EPHA6: variants seen among roughly 807,000 people sequenced by gnomAD.
EPHA6 encodes the protein EPH receptor A6.
In EPHA6, 50 loss-of-function variants were observed where a neutral mutation model predicts 112.0. The observed-to-expected ratio is 0.45, with a 90% CI of 0.36 to 0.56. The LOEUF (loss-of-function observed/expected upper bound fraction) is 0.56, where lower values mean the gene tolerates loss of function less well. Among genes scored for constraint, EPHA6 ranks in the 20% least tolerant of loss-of-function variants. EPHA6 has a pLI of 0.00. For missense variants in EPHA6, 1,280 were observed against 1,417.4 expected (o/e 0.90, Z 1.56); for synonymous variants, 529 against 490.7 (o/e 1.08, Z -1.03).
At chr3:96,977,597 C>T (rs1435440377) in intron 2 of EPHA6, among the ~76,000 whole-genome samples, 1 of 151,924 alleles carries the variant, frequency 6.6e-6, no homozygotes, top group Non-Finnish European at 1.5e-5. Flanking sequence ...GCCTTGGGAC[C>T]CCTACTTTTT....
intron 14 of EPHA6, among the ~76,000 whole-genome samples, chr3:97,640,631 T>A (rs1007455528): frequency 4.0e-5 from 6 of 149,564 alleles, no homozygotes; most frequent in Non-Finnish European, 8.9e-5. Flanking sequence ...AAAAAAAAAA[T>A]TAGCCAGGCG....
intron 5 of EPHA6, among the ~76,000 whole-genome samples, chr3:97,326,706 T>C (rs1331069072): frequency 6.6e-6 from 1 of 152,060 alleles, no homozygotes; most frequent in Non-Finnish European, 1.5e-5. Flanking sequence ...GCACACATCA[T>C]GAAACAGTAA....
intron 13 of EPHA6, among the ~76,000 whole-genome samples, chr3:97,613,772 A>G (rs763651457): frequency 6.6e-6 from 1 of 152,206 alleles, no homozygotes; most frequent in South Asian, 2.1e-4. Context: ...AGAAGGCACA[A>G]CTTCACCAAT....
intron 14 of EPHA6, among the ~76,000 whole-genome samples, chr3:97,654,684 A>T (rs1245410367): frequency 6.6e-6 from 1 of 151,888 alleles, no homozygotes; most frequent in Non-Finnish European, 1.5e-5. Flanking sequence ...AGCTCCTAAG[A>T]TGAGAACAAG....
intron 1 of EPHA6, among the ~76,000 whole-genome samples, chr3:96,849,386 T>C (rs2035259412): frequency 6.6e-6 from 1 of 152,136 alleles, no homozygotes; most frequent in Non-Finnish European, 1.5e-5. Context: ...TACAGTATTT[T>C]ATTTCTAGAA....
At chr3:97,654,870 A>G (rs575196952) in intron 14 of EPHA6, among the ~76,000 whole-genome samples, 1 of 151,816 alleles carries the variant, frequency 6.6e-6, no homozygotes, top group African/African-American at 2.4e-5. Context: ...AATTTTAAGC[A>G]AAGGGTGACA....
chr3:97,419,827 G>A (rs1360246802), intron 6 of EPHA6, among the ~76,000 whole-genome samples: 5 of 152,040 alleles, frequency 3.3e-5, no homozygotes, highest in African/African-American at 9.7e-5. Flanking sequence ...CAAAATTTAG[G>A]TTTCTAAATT....
intron 5 of EPHA6, among the ~76,000 whole-genome samples, chr3:97,324,405 T>TTTTCTTTTTC (rs1461599434): frequency 8.6e-5 from 9 of 104,492 alleles, no homozygotes; most frequent in Admixed American, 1.1e-4. Context: ...GCTTTCCTTC[T>TTTTCTTTTTC]TTTCTTTCTT....
At chr3:96,823,761 C>G (rs2033453745) in intron 1 of EPHA6, among the ~76,000 whole-genome samples, 1 of 151,730 alleles carries the variant, frequency 6.6e-6, no homozygotes, top group African/African-American at 2.4e-5. Flanking sequence ...TTGTAGAATA[C>G]TAGAACATTT....
rs371249919 is a variant in EPHA6, at chr3:96,919,217, A to G, written c.450+52328A>G. 2.2e-4 allele frequency among the ~76,000 whole-genome samples: 34 copies of G among 152,050 alleles called. No individual in the cohort carries two copies. The East Asian group carries it at 3.5e-3, about 16-fold the overall frequency. ...TATGTTGTATTTTTATGTTAATATC[A>G]AGAGTAATAATTAGATCATCTGTTA... On this transcript the variant is annotated intron_variant, in intron 2 of 17. Transcript: ENST00000389672.
At chr3:97,685,353 T>G (rs1209829376) in intron 14 of EPHA6, among the ~76,000 whole-genome samples, 1 of 152,222 alleles carries the variant, frequency 6.6e-6, no homozygotes, top group Admixed American at 6.5e-5. Flanking sequence ...TATTTATTTC[T>G]TTAAATGCAT....
intron 13 of EPHA6, among the ~76,000 whole-genome samples, chr3:97,616,747 G>A (rs768079921): frequency 6.6e-6 from 1 of 152,002 alleles, no homozygotes; most frequent in African/African-American, 2.4e-5. Context: ...AAATGAAAAT[G>A]AATAAACAAA....
chr3:97,713,769 A>G (rs1156606968), intron 14 of EPHA6, among the ~76,000 whole-genome samples: 1 of 152,244 alleles, frequency 6.6e-6, no homozygotes, highest in Non-Finnish European at 1.5e-5. Flanking sequence ...AGGAAAAGCA[A>G]GCAATCCAGA....
intron 3 of EPHA6, among the ~76,000 whole-genome samples, chr3:97,178,557 G>A (rs759317057): frequency 1.3e-5 from 2 of 152,024 alleles, no homozygotes; most frequent in Non-Finnish European, 2.9e-5. Context: ...AAATCCGTCA[G>A]CTTTTGTTTG....
At chr3:97,627,620 C>A (rs542875185) in intron 13 of EPHA6, among the ~76,000 whole-genome samples, 7 of 151,820 alleles carry the variant, frequency 4.6e-5, no homozygotes, top group African/African-American at 1.7e-4. Flanking sequence ...CATGTTATCC[C>A]TTCACAATTA....
At chr3:97,147,575 A>AT (rs1553711341) in intron 3 of EPHA6, among the ~76,000 whole-genome samples, 1 of 152,118 alleles carries the variant, frequency 6.6e-6, no homozygotes, top group Non-Finnish European at 1.5e-5. Flanking sequence ...TGGAAGTACA[A>AT]TGTCCTCCTT....
intron 2 of EPHA6, among the ~76,000 whole-genome samples, chr3:96,936,546 C>T (rs1193960321): frequency 1.3e-5 from 2 of 151,196 alleles, no homozygotes; most frequent in African/African-American, 2.4e-5. Context: ...ACTTCAAGCT[C>T]AAGGAAATGT....
intron 5 of EPHA6, among the ~76,000 whole-genome samples, chr3:97,351,798 G>T (rs961453716): frequency 6.6e-6 from 1 of 152,058 alleles, no homozygotes; most frequent in African/African-American, 2.4e-5. Context: ...CATAATATCT[G>T]GGAATTGGGG....
Position 97,210,726 on chromosome 3 carries a change from A to G in EPHA6, c.1115-15538A>G, listed in dbSNP as rs77641767. Among the ~76,000 whole-genome samples the G allele has an allele frequency of 3.2e-3, 482 of 152,266 alleles. 3 individuals are homozygous for G. Among genetic ancestry groups the G allele is most frequent in the African/African-American group, 0.011 (439 of 41,566 alleles). On this transcript the variant is annotated intron_variant, in intron 3 of 17. Transcript: ENST00000389672. ...CAGTTACTCAGTGCTACATAAAAAA[A>G]CACCCCCAAATTTAATGACTTAAGA...
Sources: allele counts gnomAD v4.1 joint callset (sites outside exome capture counted in the v4.1 genomes callset), GRCh38; gene constraint gnomAD v4.1.1; transcripts MANE v1.5; gene names NCBI Gene and HGNC (gene_info 2026-07-23, HGNC 2026-07-21).